GRID2: variants seen among roughly 807,000 people sequenced by gnomAD.
The protein encoded by GRID2 is glutamate ionotropic receptor delta type subunit 2, also known as glutamate receptor ionotropic, delta-2.
In GRID2, 33 loss-of-function variants were observed where a neutral mutation model predicts 114.8. That is an observed-to-expected ratio of 0.29 (90% CI 0.22 to 0.38). The LOEUF is 0.38. Ranked by LOEUF, GRID2 falls within the 10% of genes least tolerant of loss-of-function variation. The probability of loss-of-function intolerance (pLI) is 1.00; values close to 1 mark genes in which losing one functional copy is unlikely to be tolerated. For missense variants in GRID2, 1,184 were observed against 1,257.7 expected, an observed-to-expected ratio of 0.94 and a Z score of 0.89; for synonymous variants, 505 against 449.9, an observed-to-expected ratio of 1.12 and a Z score of -1.55.
intron 1 of GRID2, among the ~76,000 whole-genome samples, chr4:92,369,561 G>T (rs527577351): frequency 6.6e-6 from 1 of 152,224 alleles, no homozygotes; most frequent in African/African-American, 2.4e-5. Context: ...TCAGCTACAG[G>T]CCATGTTCAG....
At chr4:93,158,067 A>C (rs1553998428) in intron 4 of GRID2, among the ~76,000 whole-genome samples, 1 of 151,840 alleles carries the variant, frequency 6.6e-6, no homozygotes, top group Non-Finnish European at 1.5e-5. Flanking sequence ...CCTCTATTAC[A>C]CAACTTTCTC....
At position 92,655,878 on chromosome 4, in the gene GRID2, A is replaced by C. The variant is rs193246315; in HGVS notation, c.244+65592A>C. The stretch of plus-strand genomic sequence containing the variant: ...TTTTCTTTTTTTCTTTCCTGATTGC[A>C]CTGGCTAAGATTTCCAGTACCAAGT... On this transcript the variant is annotated intron_variant, in intron 2 of 15. Coordinates refer to ENST00000282020, the MANE Select transcript of GRID2 (RefSeq NM_001510.4). 1.9e-4 allele frequency among the ~76,000 whole-genome samples: 29 copies of C among 151,794 alleles called. No individual in the cohort carries two copies. In the East Asian group the frequency reaches 5.0e-3, roughly 26 times the overall value.
At chr4:93,038,091 C>T (rs192475567) in intron 2 of GRID2, among the ~76,000 whole-genome samples, 1 of 152,284 alleles carries the variant, frequency 6.6e-6, no homozygotes, top group Admixed American at 6.5e-5. Context: ...TATCCATGAG[C>T]ATGGAATGTT....
At chr4:92,547,003 G>C (rs1017810869) in intron 1 of GRID2, among the ~76,000 whole-genome samples, 3 of 152,128 alleles carry the variant, frequency 2.0e-5, no homozygotes, top group Admixed American at 6.5e-5. Context: ...GAGATAAGTA[G>C]CCAAGACAGA....
intron 13 of GRID2, among the ~76,000 whole-genome samples, chr4:93,532,464 C>T (rs568920635): frequency 3.3e-5 from 5 of 152,260 alleles, no homozygotes; most frequent in Non-Finnish European, 7.4e-5. Context: ...TGGAAGGTTT[C>T]TGCCTCAAAT....
chr4:92,764,741 C>A (rs1164952851), intron 2 of GRID2, among the ~76,000 whole-genome samples: 1 of 152,114 alleles, frequency 6.6e-6, no homozygotes, highest in African/African-American at 2.4e-5. Flanking sequence ...CCCATCATTG[C>A]ATTTTCAGTG....
intron 2 of GRID2, among the ~76,000 whole-genome samples, chr4:92,916,293 C>A (rs893751248): frequency 3.3e-5 from 5 of 152,122 alleles, no homozygotes; most frequent in African/African-American, 1.2e-4. Flanking sequence ...TATGGCTAGC[C>A]AGTTATCCCA....
chr4:93,209,440 T>G (rs1743196113), intron 5 of GRID2, among the ~76,000 whole-genome samples: 1 of 152,158 alleles, frequency 6.6e-6, no homozygotes, highest in African/African-American at 2.4e-5. Context: ...TCCTTTTTTG[T>G]GATTGCACAG....
At chr4:92,702,187 T>C (rs2149302089) in intron 2 of GRID2, among the ~76,000 whole-genome samples, 1 of 152,262 alleles carries the variant, frequency 6.6e-6, no homozygotes, top group South Asian at 2.1e-4. Context: ...CAGGGCCCAC[T>C]TCATAAAGCG....
rs536091453 is a variant in GRID2, at chr4:93,544,800, GA to G, written c.2193+29398del. Among the ~76,000 whole-genome samples, 174 of 148,594 alleles carry G rather than the reference GA, an allele frequency of 1.2e-3. 3 individuals are homozygous for G. The South Asian group carries it at 0.028, about 24-fold the overall frequency. On this transcript the variant is annotated intron_variant, in intron 13 of 15. Transcript: ENST00000282020. ...CTGGAAAAAAAAAAAAAGAAAAAAA[GA>G]AAAAAAAAGAAATAAATAGATTAAG... is the stretch of plus-strand genomic sequence containing the variant.
At chr4:92,438,909 G>T (rs1732868481) in intron 1 of GRID2, among the ~76,000 whole-genome samples, 1 of 152,164 alleles carries the variant, frequency 6.6e-6, no homozygotes, top group Non-Finnish European at 1.5e-5. Context: ...CTGTGAGATA[G>T]TTACAGTATA....
intron 2 of GRID2, among the ~76,000 whole-genome samples, chr4:92,677,324 A>T (rs1733422902): frequency 6.6e-6 from 1 of 152,212 alleles, no homozygotes; most frequent in Non-Finnish European, 1.5e-5. Flanking sequence ...AATATAGTTC[A>T]GTAGGTTCTT....
At chr4:92,397,384 G>GT (rs1730549740) in intron 1 of GRID2, among the ~76,000 whole-genome samples, 1 of 137,626 alleles carries the variant, frequency 7.3e-6, no homozygotes, top group Non-Finnish European at 1.6e-5. Flanking sequence ...GTGTGTGTGT[G>GT]TTTCTCCATT....
intron 10 of GRID2, among the ~76,000 whole-genome samples, chr4:93,436,310 A>G (rs888719200): frequency 1.3e-5 from 2 of 152,088 alleles, no homozygotes; most frequent in Non-Finnish European, 2.9e-5. Flanking sequence ...ATCTATCCCA[A>G]CATAAACATA....
At chr4:93,707,275 T>A (rs1578623335) in intron 14 of GRID2, among the ~76,000 whole-genome samples, 1 of 152,118 alleles carries the variant, frequency 6.6e-6, no homozygotes, top group Non-Finnish European at 1.5e-5. Context: ...TGAGAAAAAT[T>A]GGTATTAGTA....
At chr4:93,105,752 C>T (rs912906309) in intron 3 of GRID2, among the ~76,000 whole-genome samples, 1 of 152,178 alleles carries the variant, frequency 6.6e-6, no homozygotes, top group African/African-American at 2.4e-5. Context: ...ACACATTCTT[C>T]AGGAGTTAGA....
chr4:93,064,560 G>A (rs1461952497), intron 2 of GRID2, among the ~76,000 whole-genome samples: 1 of 151,706 alleles, frequency 6.6e-6, no homozygotes, highest in African/African-American at 2.4e-5. Context: ...TCCTTAATAG[G>A]CAAGCACAAA....
chr4:93,042,673 A>C (rs34428920), intron 2 of GRID2, among the ~76,000 whole-genome samples: 10,724 of 143,052 alleles, frequency 0.075, 508 homozygotes, highest in Middle Eastern at 0.12. Context: ...CTCTCTCTCT[A>C]TATATCTATA....
At chr4:93,493,741 G>C (rs1580239050) in intron 12 of GRID2, among the ~76,000 whole-genome samples, 1 of 151,576 alleles carries the variant, frequency 6.6e-6, no homozygotes, top group African/African-American at 2.4e-5. Flanking sequence ...TCATCCATAG[G>C]TTTATCTAAA....
Sources: gnomAD v4.1 joint callset for allele counts (sites outside exome capture counted in the v4.1 genomes callset) on GRCh38, gnomAD v4.1.1 for gene constraint, MANE v1.5 for transcripts, NCBI Gene and HGNC (gene_info 2026-07-23, HGNC 2026-07-21) for gene names.